OR2L8: variants seen among roughly 807,000 people sequenced by gnomAD.
OR2L8 encodes olfactory receptor 2L8.
For synonymous variants in OR2L8, 123 were observed against 138.6 expected (o/e 0.89, Z 0.79); for missense variants, 324 against 376.0 (o/e 0.86, Z 1.14).
At position 247,949,044 on chromosome 1, in the gene OR2L8, A is replaced by T; in HGVS notation, c.187A>T (p.Ser63Cys). The change falls in exon 1 of 1, where the codon AGT becomes TGT. Residue 63 changes from serine (S) to cysteine (C), a missense_variant. Transcript: ENST00000623922. ...HLHTPMYFLL[S>C]QLSLIDLNYI... ...CCACACACCCATGTATTTCCTACTG[A>T]GTCAGCTCTCCCTCATTGACCTAAA... 6.2e-7 allele frequency: 1 copy of T among 1,613,898 alleles called. No individual in the cohort carries two copies. The highest frequency in any genetic ancestry group is 1.3e-5 in the African/African-American group (1 of 75,022).
In OR2L8 at chr1:247,949,389, T is replaced by A. The variant is rs889884032; in HGVS notation, c.532T>A (p.Cys178Ser). The A allele has an allele frequency of 3.7e-6, 6 of 1,614,204 alleles. No homozygotes were observed. The highest frequency in any genetic ancestry group is 4.2e-6 in the Non-Finnish European group (5 of 1,180,024). The change falls in exon 1 of 1, where the codon TGT (cysteine) becomes AGT (serine). Residue 178 changes from cysteine to serine, a missense_variant. Coordinates refer to ENST00000623922, the MANE Select transcript of OR2L8 (RefSeq NM_001001963.1). ...CRSRAINHFF[C>S]DVPAMVTLAC... is the part of the protein sequence containing the mutation. The stretch of plus-strand genomic sequence containing the variant: ...ATCCAGGGCCATCAATCATTTCTTC[T>A]GTGATGTCCCAGCAATGGTGACTCT...
In OR2L8 at chr1:247,949,122, A is replaced by G. The variant is rs1660540047; in HGVS notation, c.265A>G (p.Lys89Glu). The G allele has an allele frequency of 6.2e-7, 1 of 1,613,992 alleles. No homozygotes were observed. Among genetic ancestry groups the G allele is most frequent in the Non-Finnish European group, 8.5e-7 (1 of 1,179,902 alleles). The change falls in exon 1 of 1, where the codon AAG becomes GAG. Residue 89 changes from lysine (K) to glutamate (E), a missense_variant. Transcript: ENST00000623922. ...KMASDFLHGN[K>E]SISFTGCGIQ... is the part of the protein sequence containing the mutation. ...GGCATCTGATTTTCTGCATGGAAAC[A>G]AGTCTATCTCCTTCACTGGGTGTGG... is the stretch of plus-strand genomic sequence containing the variant.
Position 247,949,096 on chromosome 1 carries a change from T to C in OR2L8, c.239T>C (p.Met80Thr). The C allele has an allele frequency of 6.2e-7, 1 of 1,613,990 alleles. No individual in the cohort carries two copies. Among genetic ancestry groups the C allele is most frequent in the Non-Finnish European group, 8.5e-7 (1 of 1,179,870 alleles). ...TACATCTCCACCATTGTTCCTAAGA[T>C]GGCATCTGATTTTCTGCATGGAAAC... Reference protein sequence around the residue: ...LNYISTIVPKMASDFLHGNKS... With the variant: ...LNYISTIVPKTASDFLHGNKS... Residue 80 changes from methionine to threonine, a missense_variant, in exon 1 of 1, where the codon ATG (methionine) becomes ACG (threonine). By Grantham distance (81) the Met-to-Thr change is moderately conservative (BLOSUM62 -1). Coordinates refer to ENST00000623922, the MANE Select transcript of OR2L8 (RefSeq NM_001001963.1).
rs747721066 is a variant in OR2L8 at position 247,949,440 on chromosome 1, G to A, written c.583G>A (p.Glu195Lys). The A allele has an allele frequency of 1.4e-5, 22 of 1,592,294 alleles. No homozygotes were observed. In the South Asian group the frequency reaches 2.0e-4, roughly 14 times the overall value. ...TLACMDTWVY[E>K]GTVFLSATIF... is the part of the protein sequence containing the mutation. ...GGCCTGCATGGACACCTGGGTCTATGAGGGCACAGTGTTTTTGAGTGCCAC... is the reference window on the plus strand; with the variant it reads ...GGCCTGCATGGACACCTGGGTCTATAAGGGCACAGTGTTTTTGAGTGCCAC... The change falls in exon 1 of 1, where the codon GAG becomes AAG. Residue 195 changes from glutamate to lysine, a missense_variant. Glu to Lys is a moderately conservative substitution (Grantham distance 56). Transcript: ENST00000623922.
Position 247,949,090 on chromosome 1 carries a change from C to CT in OR2L8, c.234dup (p.Lys79Ter), listed in dbSNP as rs776737723. On this transcript the variant is annotated frameshift_variant, in exon 1 of 1. Coordinates refer to ENST00000623922, the MANE Select transcript of OR2L8 (RefSeq NM_001001963.1). LOFTEE classifies it low-confidence loss of function (END_TRUNC). ...CTAAATTACATCTCCACCATTGTTCCTAAGATGGCATCTGATTTTCTGCAT... is the reference window on the plus strand; with the variant it reads ...CTAAATTACATCTCCACCATTGTTCCTTAAGATGGCATCTGATTTTCTGCAT... The CT allele has an allele frequency of 6.2e-7, 1 of 1,613,020 alleles. No individual in the cohort carries two copies. The highest frequency in any genetic ancestry group is 2.2e-5 in the East Asian group (1 of 44,828).
rs145507153 is a variant in OR2L8, at chr1:247,949,650, C to T, written c.793C>T (p.Arg265Ter). ...VYTYLRPRSLRSPTEDKVLAV... is the reference protein window; with the variant it reads ...VYTYLRPRSL ...CACTTATCTACGTCCAAGATCCCTG[C>T]GATCTCCAACAGAGGACAAGGTTCT... The change falls in exon 1 of 1, where the codon CGA becomes TGA. Residue 265 changes from arginine to a stop codon, truncating the protein, a stop_gained. Coordinates refer to ENST00000623922, the MANE Select transcript of OR2L8 (RefSeq NM_001001963.1). LOFTEE classifies it low-confidence loss of function (END_TRUNC). 1.2e-3 allele frequency: 1,986 copies of T among 1,613,778 alleles called. 23 individuals carry two copies. The African/African-American group carries it at 0.02, about 16-fold the overall frequency.
chr1:247,949,272 G>A lies in OR2L8; in HGVS notation c.415G>A (p.Val139Met). 13 of 1,614,136 alleles carry A rather than the reference G, an allele frequency of 8.1e-6. No individual in the cohort carries two copies. The highest frequency in any genetic ancestry group is 4.4e-5 in the South Asian group (4 of 91,074). Residue 139 changes from valine (V) to methionine (M), a missense_variant, in exon 1 of 1, where the codon GTG becomes ATG. Transcript: ENST00000623922. ...CTATCTCATCCGCATGAGCAAAAGAGTGTGTGTGCTGATGATAACAGGGTC... is the reference window on the plus strand; with the variant it reads ...CTATCTCATCCGCATGAGCAAAAGAATGTGTGTGCTGATGATAACAGGGTC... ...LHYLIRMSKR[V>M]CVLMITGSWI...
Position 247,948,985 on chromosome 1 carries a change from C to T in OR2L8, c.128C>T (p.Ser43Phe), listed in dbSNP as rs766249273. The T allele has an allele frequency of 1.2e-6, 2 of 1,613,898 alleles. No homozygotes were observed. The highest frequency in any genetic ancestry group is 2.7e-5 in the African/African-American group (2 of 75,022). The change falls in exon 1 of 1, where the codon TCC becomes TTC. Residue 43 changes from serine to phenylalanine, a missense_variant. Transcript: ENST00000623922. Reference sequence around the variant, plus strand: ...CTGATGGCTCTAATTGGAAACCTGTCCATGATTCTTCTCATCTTCTTGGAC... The same window carrying T: ...CTGATGGCTCTAATTGGAAACCTGTTCATGATTCTTCTCATCTTCTTGGAC... ...IFLMALIGNLSMILLIFLDTH... is the reference protein window; with the variant it reads ...IFLMALIGNLFMILLIFLDTH...
rs772728010 is a variant in OR2L8, at chr1:247,949,362, C to T, written c.505C>T (p.Arg169Ter). The T allele has an allele frequency of 4.5e-5, 72 of 1,614,046 alleles. No individual in the cohort carries two copies. The Admixed American group carries it at 8.5e-4, about 19-fold the overall frequency. The change falls in exon 1 of 1, where the codon CGA (arginine) becomes TGA (stop). Residue 169 changes from arginine to a stop codon, truncating the protein, a stop_gained. Transcript: ENST00000623922. LOFTEE classifies it low-confidence loss of function (END_TRUNC). ...ATATGTACTCCATATTCCTTATTGCCGATCCAGGGCCATCAATCATTTCTT... is the reference window on the plus strand; with the variant it reads ...ATATGTACTCCATATTCCTTATTGCTGATCCAGGGCCATCAATCATTTCTT... ...TVYVLHIPYC[R>*]SRAINHFFCD... is the part of the protein sequence containing the mutation.
At position 247,949,138 on chromosome 1, in the gene OR2L8, C is replaced by G; in HGVS notation, c.281C>G (p.Thr94Ser). 6.2e-7 allele frequency: 1 copy of G among 1,614,056 alleles called. No individual in the cohort carries two copies. Among genetic ancestry groups the G allele is most frequent in the Non-Finnish European group, 8.5e-7 (1 of 1,179,940 alleles). Residue 94 changes from threonine (T) to serine (S), a missense_variant, in exon 1 of 1, where the codon ACT (threonine) becomes AGT (serine). Thr to Ser is a moderately conservative substitution (Grantham distance 58). Transcript: ENST00000623922. ...FLHGNKSISF[T>S]GCGIQSFFFL... The stretch of plus-strand genomic sequence containing the variant: ...CATGGAAACAAGTCTATCTCCTTCA[C>G]TGGGTGTGGGATTCAGAGTTTCTTC...
chr1:247,949,129 T>C lies in OR2L8; in HGVS notation c.272T>C (p.Ile91Thr). 6.2e-7 allele frequency: 1 copy of C among 1,614,030 alleles called. No homozygotes were observed. Among genetic ancestry groups the C allele is most frequent in the Non-Finnish European group, 8.5e-7 (1 of 1,179,912 alleles). The change falls in exon 1 of 1, where the codon ATC (isoleucine) becomes ACC (threonine). Residue 91 changes from isoleucine (I) to threonine (T), a missense_variant. Ile to Thr is a moderately conservative substitution (Grantham distance 89). Transcript: ENST00000623922. ...GATTTTCTGCATGGAAACAAGTCTA[T>C]CTCCTTCACTGGGTGTGGGATTCAG... ...ASDFLHGNKS[I>T]SFTGCGIQSF...
At position 247,949,725 on chromosome 1, in the gene OR2L8, A is replaced by G; in HGVS notation, c.868A>G (p.Ser290Gly). Residue 290 changes from serine to glycine, a missense_variant, in exon 1 of 1, where the codon AGC (serine) becomes GGC (glycine). Physicochemically the swap from Ser to Gly is moderately conservative, Grantham distance 56. Coordinates refer to ENST00000623922, the MANE Select transcript of OR2L8 (RefSeq NM_001001963.1). ...LTPMLNPIIY[S>G]LRNKEVMGAL... ...CCCAATGCTCAACCCCATCATCTAT[A>G]GCCTGAGGAACAAGGAGGTGATGGG... 6.2e-7 allele frequency: 1 copy of G among 1,613,896 alleles called. No individual in the cohort carries two copies. Among genetic ancestry groups the G allele is most frequent in the Non-Finnish European group, 8.5e-7 (1 of 1,179,844 alleles).
Position 247,949,732 on chromosome 1 carries a change from G to A in OR2L8, c.875G>A (p.Arg292Lys), listed in dbSNP as rs1298308032. Residue 292 changes from arginine (R) to lysine (K), a missense_variant, in exon 1 of 1, where the codon AGG becomes AAG. Coordinates refer to ENST00000623922, the MANE Select transcript of OR2L8 (RefSeq NM_001001963.1). ...CTCAACCCCATCATCTATAGCCTGA[G>A]GAACAAGGAGGTGATGGGGGCCCTG... is the stretch of plus-strand genomic sequence containing the variant. Reference protein sequence around the residue: ...PMLNPIIYSLRNKEVMGALTR... With the variant: ...PMLNPIIYSLKNKEVMGALTR... 7 of 1,613,794 alleles carry A rather than the reference G, an allele frequency of 4.3e-6. No homozygotes were observed. The highest frequency in any genetic ancestry group is 3.3e-5 in the South Asian group (3 of 91,032).
Sources: allele counts gnomAD v4.1 joint callset, GRCh38; gene constraint gnomAD v4.1.1; transcripts MANE v1.5; gene names NCBI Gene and HGNC (gene_info 2026-07-23, HGNC 2026-07-21).